The following ARR3 variants were observed in gnomAD, a reference collection of about 807,000 sequenced individuals.
The protein encoded by ARR3 is arrestin 3.
Under a neutral mutation model 35.4 loss-of-function variants are expected in ARR3, and 14 were observed. That is an observed-to-expected ratio of 0.40 (90% confidence interval 0.26 to 0.62). ARR3 has a LOEUF of 0.62. ARR3 is among the 20% of genes least tolerant of loss of function. ARR3 has a pLI of 0.46. For synonymous variants in ARR3, 97 were observed against 119.1 expected (o/e 0.81, Z 1.21); for missense variants, 259 against 303.8 (o/e 0.85, Z 1.10).
At position 70,277,423 on chromosome X, in the gene ARR3, T is replaced by C; in HGVS notation, c.503T>C (p.Val168Ala). The C allele has an allele frequency of 1.7e-6, 2 of 1,211,563 alleles. No individual in the cohort carries two copies. Among genetic ancestry groups the C allele is most frequent in the Non-Finnish European group, 2.2e-6 (2 of 895,412 alleles). ...TATGTGCGGCTGGTTGTCCGGAAAGTACAATTTGCACCACCGGAGGCAGGC... is the reference window on the plus strand; with the variant it reads ...TATGTGCGGCTGGTTGTCCGGAAAGCACAATTTGCACCACCGGAGGCAGGC... ...RDYVRLVVRK[V>A]QFAPPEAGPG... is the part of the protein sequence containing the mutation. Residue 168 changes from valine (V) to alanine (A), a missense_variant, in exon 9 of 17, where the codon GTA becomes GCA. Physicochemically the swap from Val to Ala is moderately conservative, Grantham distance 64. Transcript: ENST00000307959.
intron 12 of ARR3, 89 bp downstream of exon 12, chrX:70,278,730 T>C: frequency 9.1e-7 from 1 of 1,094,846 alleles, no homozygotes. Context: ...TCATGTTCAG[T>C]AAAGCCTACC....
intron 7 of ARR3, 55 bp downstream of exon 7, chrX:70,276,547 T>G: frequency 1.7e-6 from 2 of 1,183,392 alleles, no homozygotes; most frequent in Non-Finnish European, 2.3e-6. Flanking sequence ...AGAGGAACAG[T>G]GGGACAGTCA....
At chrX:70,275,712 C>T (rs1243546617) in intron 5 of ARR3, among the ~76,000 whole-genome samples, 13 of 85,288 alleles carry the variant, frequency 1.5e-4, no homozygotes, top group Non-Finnish European at 6.5e-5. Flanking sequence ...CTCTGTTGCC[C>T]AGGCTGGAGG....
At chrX:70,271,014 G>C (rs1167284984) in intron 5 of ARR3, among the ~76,000 whole-genome samples, 2 of 111,528 alleles carry the variant, frequency 1.8e-5, no homozygotes, top group Non-Finnish European at 3.8e-5. Context: ...TACTAGTTCA[G>C]ATGTAACTGT....
At chrX:70,279,765 C>A (rs1216144314) in intron 12 of ARR3, among the ~76,000 whole-genome samples, 1 of 111,699 alleles carries the variant, frequency 9.0e-6, no homozygotes, top group South Asian at 3.7e-4. Context: ...GATCTGGATA[C>A]CAACAGAGGA....
intron 10 of ARR3, 23 bp downstream of exon 10, chrX:70,277,823 G>T: frequency 8.5e-7 from 1 of 1,170,817 alleles, no homozygotes; most frequent in East Asian, 3.0e-5. Flanking sequence ...TCCCATCCCT[G>T]TGCACCTGGT....
chrX:70,280,377 C>A, intron 13 of ARR3, 99 bp downstream of exon 13: 1 of 993,415 alleles, frequency 1.0e-6, no homozygotes, highest in Non-Finnish European at 1.4e-6. Flanking sequence ...TCAAACCATT[C>A]CCCACCCTTT....
At chrX:70,269,964 A>G in intron 4 of ARR3, 61 bp downstream of exon 4, 1 of 1,178,191 alleles carries the variant, frequency 8.5e-7, no homozygotes, top group Non-Finnish European at 1.2e-6. Flanking sequence ...GGAGTAAAAG[A>G]AAGTCCAGGA....
At position 70,278,066 on chromosome X, in the gene ARR3, T is replaced by G. The variant is rs775512894; in HGVS notation, c.695T>G (p.Val232Gly). The G allele has an allele frequency of 8.3e-7, 1 of 1,208,399 alleles. No individual in the cohort carries two copies. Among genetic ancestry groups the G allele is most frequent in the East Asian group, 3.0e-5 (1 of 33,727 alleles). Residue 232 changes from valine (V) to glycine (G), a missense_variant and splice_region_variant, in exon 11 of 17, where the codon GTT becomes GGT. Transcript: ENST00000307959. ...NKVIKKIKIS[V>G]DQITDVVLYS... Reference sequence around the variant, plus strand: ...CATGTGCTTTTCCTGGCTTGTTCAGTTGACCAGATCACAGATGTTGTCCTG... The same window carrying G: ...CATGTGCTTTTCCTGGCTTGTTCAGGTGACCAGATCACAGATGTTGTCCTG...
intron 1 of ARR3, among the ~76,000 whole-genome samples, chrX:70,268,646 T>A (rs2085617401): frequency 9.0e-6 from 1 of 111,632 alleles, no homozygotes; most frequent in Non-Finnish European, 1.9e-5. Flanking sequence ...GGGACCTGGA[T>A]GGGGATAAGG....
rs2085653399 is a variant in ARR3 at position 70,276,485 on chromosome X, C to T, written c.398C>T (p.Ala133Val). Residue 133 changes from alanine (A) to valine (V), a missense_variant, in exon 7 of 17, where the codon GCA becomes GTA. By Grantham distance (64) the Ala-to-Val change is moderately conservative (BLOSUM62 0). Coordinates refer to ENST00000307959, the MANE Select transcript of ARR3 (RefSeq NM_004312.3). ...SVTLQPGPED[A>V]GKPCGIDFEV... is the part of the protein sequence containing the mutation. Reference sequence around the variant, plus strand: ...ACACTGCAGCCAGGTCCTGAAGATGCAGGAAAGGTGAGGACTGGGTTCTAA... The same window carrying T: ...ACACTGCAGCCAGGTCCTGAAGATGTAGGAAAGGTGAGGACTGGGTTCTAA... The T allele has an allele frequency of 1.7e-6, 2 of 1,211,142 alleles. No individual in the cohort carries two copies. The highest frequency in any genetic ancestry group is 1.8e-5 in the South Asian group (1 of 56,931).
chrX:70,281,613 G>A (rs2085685514), intron 16 of ARR3, 63 bp from the exon 17 acceptor site: 1 of 945,303 alleles, frequency 1.1e-6, no homozygotes, highest in African/African-American at 2.0e-5. Context: ...AAAAAAGAGT[G>A]GACACGGAGG....
At chrX:70,274,676 C>T (rs1294209269) in intron 5 of ARR3, among the ~76,000 whole-genome samples, 4 of 112,508 alleles carry the variant, frequency 3.6e-5, no homozygotes, top group African/African-American at 9.7e-5. Context: ...TGTCTGATGA[C>T]GGCTGCTCTC....
At chrX:70,271,164 T>C (rs1412297039) in intron 5 of ARR3, among the ~76,000 whole-genome samples, 1 of 112,179 alleles carries the variant, frequency 8.9e-6, no homozygotes, top group Admixed American at 9.5e-5. Flanking sequence ...AAGTATTCTA[T>C]ATTTCTAAAA....
chrX:70,269,412 C>T lies in ARR3; in HGVS notation c.8+19C>T, dbSNP rs762844301. 1.7e-6 allele frequency: 2 copies of T among 1,182,843 alleles called. No homozygotes were observed. The highest frequency in any genetic ancestry group is 3.6e-5 in the South Asian group (2 of 55,783). Reference sequence around the variant, plus strand: ...TGTCCAAGTAAGAATTCCTTCTAATCCTCTGAACCTGTGAATTGCTCCCTA... The same window carrying T: ...TGTCCAAGTAAGAATTCCTTCTAATTCTCTGAACCTGTGAATTGCTCCCTA... On this transcript the variant is annotated intron_variant, in intron 2 of 16. Transcript: ENST00000307959.
chrX:70,278,312 G>A (rs1025649966), intron 11 of ARR3, among the ~76,000 whole-genome samples, 174 bp downstream of exon 11: 1 of 111,008 alleles, frequency 9.0e-6, no homozygotes, highest in Non-Finnish European at 1.9e-5. Flanking sequence ...GTCCCATCAC[G>A]ATGCTGAGCG....
At chrX:70,275,010 A>G (rs147334023) in intron 5 of ARR3, among the ~76,000 whole-genome samples, 13 of 112,356 alleles carry the variant, frequency 1.2e-4, no homozygotes, top group Non-Finnish European at 1.9e-4. Flanking sequence ...TTTTTTATCC[A>G]TTCTCCTGTT....
At chrX:70,269,950 C>T in intron 4 of ARR3, 47 bp downstream of exon 4, 2 of 1,190,201 alleles carry the variant, frequency 1.7e-6, no homozygotes, top group Non-Finnish European at 1.1e-6. Flanking sequence ...GGAATGGAAA[C>T]TAGGGAGTAA....
intron 8 of ARR3, among the ~76,000 whole-genome samples, 199 bp from the exon 9 acceptor site, chrX:70,277,195 T>C (rs1602722786): frequency 8.8e-6 from 1 of 113,105 alleles, no homozygotes; most frequent in African/African-American, 3.2e-5. Flanking sequence ...AAAACAGGCA[T>C]CAGGCCAGAT....
Sources: gnomAD v4.1 joint callset for allele counts (sites outside exome capture counted in the v4.1 genomes callset) on GRCh38, gnomAD v4.1.1 for gene constraint, MANE v1.5 for transcripts, NCBI Gene and HGNC (gene_info 2026-07-23, HGNC 2026-07-21) for gene names.